The following BLTP1 variants were observed in gnomAD, a reference collection of about 807,000 sequenced individuals.
BLTP1 encodes bridge-like lipid transfer protein family member 1.
At chr4:122,257,164 TATGAG>T in the BLTP1 span, 3 of 1,268,104 alleles carry the variant, frequency 2.4e-6, no homozygotes, top group Non-Finnish European at 2.2e-6. Flanking sequence ...AAATGAGTAT[TATGAG>T]ATTTGAATAA....
chr4:122,274,499 G>A, the BLTP1 span: 3 of 1,552,898 alleles, frequency 1.9e-6, no homozygotes, highest in Non-Finnish European at 2.6e-6. Context: ...AAATTCTTTG[G>A]ATAAACATGC....
chr4:122,238,140 G>A, the BLTP1 span: 3 of 1,613,698 alleles, frequency 1.9e-6, no homozygotes, highest in African/African-American at 2.7e-5. Context: ...AAATCAGTGG[G>A]AATAGAAGTA....
chr4:122,230,076 G>A, the BLTP1 span: 5 of 1,614,138 alleles, frequency 3.1e-6, no homozygotes, highest in Non-Finnish European at 3.4e-6. Context: ...GCAGTGCTAC[G>A]GAGGGCCTAT....
At chr4:122,305,867 T>C in the BLTP1 span, 1 of 1,566,964 alleles carries the variant, frequency 6.4e-7, no homozygotes, top group South Asian at 1.2e-5. Context: ...AGCTTTAAAT[T>C]TTATTTTAGG....
At chr4:122,162,747 T>G in the BLTP1 span, 1 of 597,752 alleles carries the variant, frequency 1.7e-6, no homozygotes. Flanking sequence ...AAAAAAAAAC[T>G]GGGAGTAATA....
At chr4:122,339,326 A>G in the BLTP1 span, 8 of 1,613,692 alleles carry the variant, frequency 5.0e-6, no homozygotes, top group Non-Finnish European at 6.8e-6. Flanking sequence ...TAGGGACTAC[A>G]TATCCTGCAG....
At chr4:122,200,882 CCTT>C in the BLTP1 span, 1 of 1,351,884 alleles carries the variant, frequency 7.4e-7, no homozygotes, top group Non-Finnish European at 9.8e-7. Flanking sequence ...CTCAAAGGGA[CCTT>C]CTGTTCAGCT....
At chr4:122,255,204 A>C in the BLTP1 span, 1 of 1,613,084 alleles carries the variant, frequency 6.2e-7, no homozygotes, top group Non-Finnish European at 8.5e-7. Context: ...CTCCAAGAAA[A>C]TCCTTCATGT....
chr4:122,286,501 G>T, the BLTP1 span: 1 of 1,608,776 alleles, frequency 6.2e-7, no homozygotes, highest in South Asian at 1.1e-5. Flanking sequence ...ATGAGTGAAT[G>T]AACACTAGCA....
chr4:122,174,070 T>A, the BLTP1 span: 1 of 316,490 alleles, frequency 3.2e-6, no homozygotes, highest in Non-Finnish European at 4.6e-6. Context: ...TAGGAAGCTA[T>A]GTGCTTTGAA....
the BLTP1 span, chr4:122,201,907 G>A: frequency 1.0e-6 from 1 of 982,290 alleles, no homozygotes; most frequent in Non-Finnish European, 1.2e-6. Flanking sequence ...GATATTTGGA[G>A]GTGTAGTGGT....
the BLTP1 span, chr4:122,325,604 A>C: frequency 2.7e-6 from 3 of 1,127,044 alleles, no homozygotes; most frequent in Non-Finnish European, 3.4e-6. Context: ...TTTTTCTTTC[A>C]AGTGAGAATC....
At chr4:122,181,835 G>A in the BLTP1 span, among the ~76,000 whole-genome samples, 2 of 151,984 alleles carry the variant, frequency 1.3e-5, no homozygotes, top group Admixed American at 6.6e-5. Context: ...AAAAAGCACA[G>A]GGAAGAAAAA....
the BLTP1 span, chr4:122,174,929 T>A: frequency 9.5e-6 from 5 of 523,994 alleles, no homozygotes; most frequent in East Asian, 7.5e-4. Context: ...CCATTTTATA[T>A]CACAGAGTTC....
At chr4:122,312,405 T>C in the BLTP1 span, among the ~76,000 whole-genome samples, 6 of 152,204 alleles carry the variant, frequency 3.9e-5, no homozygotes, top group African/African-American at 1.4e-4. Context: ...TTCTTCTCCC[T>C]TTTTATTTAC....
At chr4:122,264,272 A>G in the BLTP1 span, 46 of 1,605,354 alleles carry the variant, frequency 2.9e-5, no homozygotes, top group African/African-American at 4.0e-5. Flanking sequence ...CAATCTTCCA[A>G]CAATACCCTC....
chr4:122,272,425 TAA>T, the BLTP1 span: 1 of 1,576,154 alleles, frequency 6.3e-7, no homozygotes, highest in African/African-American at 1.4e-5. Context: ...ATTTTTCTAA[TAA>T]AGTGCTATGT....
chr4:122,328,214 A>G, the BLTP1 span: 2 of 1,611,490 alleles, frequency 1.2e-6, no homozygotes, highest in Non-Finnish European at 8.5e-7. Context: ...CCAAAACTCC[A>G]GGAGGCTTTT....
At chr4:122,227,421 A>G in the BLTP1 span, 23 of 984,792 alleles carry the variant, frequency 2.3e-5, no homozygotes, top group Non-Finnish European at 2.7e-5. Flanking sequence ...TGCAATAAAT[A>G]CTCTCCCTTA....
Sources: allele counts gnomAD v4.1 joint callset (sites outside exome capture counted in the v4.1 genomes callset), GRCh38; gene constraint gnomAD v4.1.1; transcripts MANE v1.5; gene names NCBI Gene and HGNC (gene_info 2026-07-23, HGNC 2026-07-21).